CXCR3: variants seen among roughly 807,000 people sequenced by gnomAD.
CXCR3 encodes the protein C-X-C motif chemokine receptor 3, also known as C-X-C chemokine receptor type 3.
For synonymous variants in CXCR3, 136 were observed against 148.0 expected (o/e 0.92, Z 0.59); for missense variants, 239 against 310.2 (o/e 0.77, Z 1.72).
chrX:71,617,231 G>A lies in CXCR3; in HGVS notation c.241C>T (p.Arg81Trp), dbSNP rs1288288088. Residue 81 changes from arginine (R) to tryptophan (W), a missense_variant, in exon 2 of 2, where the codon CGG becomes TGG. Transcript: ENST00000373693. ...TCGGTGCTGCTCAGGGCTGTCCGCC[G>A]GCTCAGCAGCACGGCTGCCACCGCG... is the stretch of plus-strand genomic sequence containing the variant. ...NGAVAAVLLS[R>W]RTALSSTDTF... The A allele has an allele frequency of 2.5e-6, 3 of 1,200,068 alleles. No homozygotes were observed. Among genetic ancestry groups the A allele is most frequent in the East Asian group, 3.0e-5 (1 of 33,379 alleles).
chrX:71,616,140 G>T lies in CXCR3; in HGVS notation c.*225C>A. 1 of 412,597 alleles carries T rather than the reference G, an allele frequency of 2.4e-6. No homozygotes were observed. Among genetic ancestry groups the T allele is most frequent in the Non-Finnish European group, 4.0e-6 (1 of 250,738 alleles). The allele number at this position is 412,597 out of a possible 1,213,427, so 34.0% of individuals were successfully genotyped here. On this transcript the variant is annotated 3_prime_UTR_variant, in exon 2 of 2. Transcript: ENST00000373693. ...AAATGAGAAGGGCAGTGGGGCTCCA[G>T]GCAGCCACCTCGGGCGGCAGGATGG...
chrX:71,617,907 G>A (rs982701146), intron 1 of CXCR3, among the ~76,000 whole-genome samples: 1 of 104,622 alleles, frequency 9.6e-6, no homozygotes, highest in African/African-American at 3.5e-5. Context: ...GCCCTTGTCC[G>A]GGGACCCCAA....
Position 71,617,071 on chromosome X carries a change from T to C in CXCR3, c.401A>G (p.Asn134Ser), listed in dbSNP as rs1467341267. Residue 134 changes from asparagine (N) to serine (S), a missense_variant, in exon 2 of 2, where the codon AAC (asparagine) becomes AGC (serine). By Grantham distance (46) the Asn-to-Ser change is conservative (BLOSUM62 1). Coordinates refer to ENST00000373693, the MANE Select transcript of CXCR3 (RefSeq NM_001504.2). Reference protein sequence around the residue: ...CKVAGALFNINFYAGALLLAC... With the variant: ...CKVAGALFNISFYAGALLLAC... ...CAGCAGGAGGGCTCCTGCGTAGAAG[T>C]TGATGTTGAAGAGGGCACCTGCCAC... 2.5e-6 allele frequency: 3 copies of C among 1,198,039 alleles called. No homozygotes were observed. Among genetic ancestry groups the C allele is most frequent in the South Asian group, 1.8e-5 (1 of 55,396 alleles).
rs1389865775 is a variant in CXCR3, at chrX:71,617,316, G to A, written c.156C>T (p.Asp52=). ...TGTAGAGGGCTGGCAGGAAGGCCCG[G>A]TCGAAGTTCAGGCTGAAGTCCTGTG... ...PCPQDFSLNF[D]RAFLPALYSL... Residue 52 remains aspartate, a synonymous_variant, in exon 2 of 2, where the codon GAC becomes GAT. Transcript: ENST00000373693. 2 of 1,209,385 alleles carry A rather than the reference G, an allele frequency of 1.7e-6. No individual in the cohort carries two copies. Among genetic ancestry groups the A allele is most frequent in the Admixed American group, 4.4e-5 (2 of 45,711 alleles).
rs768947194 is a variant in CXCR3, at chrX:71,618,475, G to C, written c.-26C>G. On this transcript the variant is annotated 5_prime_UTR_variant, in exon 1 of 2. Transcript: ENST00000373693. ...GGCTGGGCTGGTGCTCTGGCTGCTG[G>C]GTGGTGTGCTGCCTGCCCCTCTGCT... 2.0e-5 allele frequency: 22 copies of C among 1,085,410 alleles called. No individual in the cohort carries two copies. The highest frequency in any genetic ancestry group is 2.6e-5 in the Non-Finnish European group (20 of 781,551). 89.4% of individuals were successfully genotyped at this position (1,085,410 alleles called of 1,213,427 possible).
At chrX:71,618,026 C>A (rs1308997528) in intron 1 of CXCR3, among the ~76,000 whole-genome samples, 1 of 103,093 alleles carries the variant, frequency 9.7e-6, no homozygotes. Context: ...CTTGCACGGC[C>A]ATTTAGCTGC....
chrX:71,618,001 C>G (rs2147741943), intron 1 of CXCR3, among the ~76,000 whole-genome samples: 1 of 100,435 alleles, frequency 1.0e-5, no homozygotes, highest in East Asian at 3.3e-4. Context: ...GTCCTTCCCC[C>G]TCCCTACACT....
Position 71,617,013 on chromosome X carries a change from T to A in CXCR3, c.459A>T (p.Ile153=). Residue 153 remains isoleucine, a synonymous_variant, in exon 2 of 2, where the codon ATA becomes ATT. Transcript: ENST00000373693. The stretch of plus-strand genomic sequence containing the variant: ...GGCGGTAGAGCTGGGTGGCATGAAC[T>A]ATGTTCAGGTAGCGGTCAAAGCTGA... ...ACISFDRYLN[I]VHATQLYRRG... is the part of the protein sequence containing the mutation. 1 of 1,208,673 alleles carries A rather than the reference T, an allele frequency of 8.3e-7. No individual in the cohort carries two copies. The highest frequency in any genetic ancestry group is 1.1e-6 in the Non-Finnish European group (1 of 893,933).
In CXCR3 at chrX:71,616,505, C is replaced by T; in HGVS notation, c.967G>A (p.Val323Ile). 1 of 1,211,151 alleles carries T rather than the reference C, an allele frequency of 8.3e-7. No individual in the cohort carries two copies. Among genetic ancestry groups the T allele is most frequent in the African/African-American group, 1.7e-5 (1 of 57,890 alleles). Residue 323 changes from valine (V) to isoleucine (I), a missense_variant, in exon 2 of 2, where the codon GTC becomes ATC. Physicochemically the swap from Val to Ile is conservative, Grantham distance 29. Coordinates refer to ENST00000373693, the MANE Select transcript of CXCR3 (RefSeq NM_001504.2). ...LNPLLYAFVGVKFRERMWMLL... is the reference protein window; with the variant it reads ...LNPLLYAFVGIKFRERMWMLL... ...ATCCACATCCGCTCCCGGAACTTGA[C>T]CCCTACAAAGGCATAGAGCAGCGGG...
chrX:71,616,576 G>A lies in CXCR3; in HGVS notation c.896C>T (p.Ala299Val). ...NCGRESRVDV[A>V]KSVTSGLGYM... ...GCCCAGGCCTGAGGTGACCGACTTG[G>A]CCACGTCTACCCTGCTTTCTCGGCC... is the stretch of plus-strand genomic sequence containing the variant. The change falls in exon 2 of 2, where the codon GCC becomes GTC. Residue 299 changes from alanine to valine, a missense_variant. Physicochemically the swap from Ala to Val is moderately conservative, Grantham distance 64 (BLOSUM62 0). Transcript: ENST00000373693. 2.5e-6 allele frequency: 3 copies of A among 1,211,748 alleles called. No homozygotes were observed. Among genetic ancestry groups the A allele is most frequent in the Non-Finnish European group, 3.4e-6 (3 of 895,481 alleles).
Position 71,616,987 on chromosome X carries a change from C to T in CXCR3, c.485G>A (p.Arg162Gln), listed in dbSNP as rs754390397. Reference protein sequence around the residue: ...NIVHATQLYRRGPPARVTLTC... With the variant: ...NIVHATQLYRQGPPARVTLTC... ...GAGGGTCACGCGGGCCGGGGGCCCC[C>T]GGCGGTAGAGCTGGGTGGCATGAAC... The change falls in exon 2 of 2, where the codon CGG becomes CAG. Residue 162 changes from arginine (R) to glutamine (Q), a missense_variant. Arg to Gln is a conservative substitution (Grantham distance 43, BLOSUM62 1). Transcript: ENST00000373693. 4.0e-5 allele frequency: 48 copies of T among 1,206,400 alleles called. No homozygotes were observed. Among genetic ancestry groups the T allele is most frequent in the Non-Finnish European group, 5.3e-5 (47 of 893,318 alleles).
rs1386800480 is a variant in CXCR3, at chrX:71,616,727, G to A, written c.745C>T (p.Arg249Trp). 1.7e-6 allele frequency: 2 copies of A among 1,206,974 alleles called. No homozygotes were observed. The highest frequency in any genetic ancestry group is 2.2e-6 in the Non-Finnish European group (2 of 892,970). The change falls in exon 2 of 2, where the codon CGG (arginine) becomes TGG (tryptophan). Residue 249 changes from arginine to tryptophan, a missense_variant. Transcript: ENST00000373693. ...LAVLLVSRGQ[R>W]RLRAMRLVVV... is the part of the protein sequence containing the mutation. ...ACCAGCCGCATGGCCCGCAGGCGCCGCTGGCCCCTGGAAACCAGCAGCACG... is the reference window on the plus strand; with the variant it reads ...ACCAGCCGCATGGCCCGCAGGCGCCACTGGCCCCTGGAAACCAGCAGCACG...
Position 71,617,420 on chromosome X carries a change from C to T in CXCR3, c.52G>A (p.Ala18Thr), listed in dbSNP as rs1471620920. The T allele has an allele frequency of 2.8e-5, 34 of 1,209,607 alleles. No individual in the cohort carries two copies. Among genetic ancestry groups the T allele is most frequent in the Non-Finnish European group, 3.6e-5 (32 of 895,069 alleles). The change falls in exon 2 of 2, where the codon GCC (alanine) becomes ACC (threonine). Residue 18 changes from alanine to threonine, a missense_variant. By Grantham distance (58) the Ala-to-Thr change is moderately conservative. Coordinates refer to ENST00000373693, the MANE Select transcript of CXCR3 (RefSeq NM_001504.2). Reference protein sequence around the residue: ...HQVLNDAEVAALLENFSSSYD... With the variant: ...HQVLNDAEVATLLENFSSSYD... ...GAAGAGCTGAAGTTCTCCAGGAGGG[C>T]GGCAACCTCGGCGTCATTTAGCACT...
In CXCR3 at chrX:71,616,479, C is replaced by T. The variant is rs768206166; in HGVS notation, c.993G>A (p.Met331Ile). ...VGVKFRERMW[M>I]LLLRLGCPNQ... The stretch of plus-strand genomic sequence containing the variant: ...TGGGGCAGCCCAGGCGCAAGAGCAG[C>T]ATCCACATCCGCTCCCGGAACTTGA... The change falls in exon 2 of 2, where the codon ATG becomes ATA. Residue 331 changes from methionine to isoleucine, a missense_variant. Transcript: ENST00000373693. The T allele has an allele frequency of 1.7e-6, 2 of 1,211,698 alleles. No homozygotes were observed. Among genetic ancestry groups the T allele is most frequent in the Admixed American group, 4.3e-5 (2 of 46,091 alleles).
Position 71,617,251 on chromosome X carries a change from A to G in CXCR3, c.221T>C (p.Val74Ala), listed in dbSNP as rs2040858323. ...CCGCCGGCTCAGCAGCACGGCTGCC[A>G]CCGCGCCGTTGCCCAGCAGCCCCAG... The part of the protein sequence containing the change: ...FLLGLLGNGA[V>A]AAVLLSRRTA... The change falls in exon 2 of 2, where the codon GTG becomes GCG. Residue 74 changes from valine (V) to alanine (A), a missense_variant. Transcript: ENST00000373693. 1 of 1,196,357 alleles carries G rather than the reference A, an allele frequency of 8.4e-7. No individual in the cohort carries two copies. Among genetic ancestry groups the G allele is most frequent in the Non-Finnish European group, 1.1e-6 (1 of 888,118 alleles).
chrX:71,616,841 C>A lies in CXCR3; in HGVS notation c.631G>T (p.Gly211Cys), dbSNP rs777121929. ...THCQYNFPQV[G>C]RTALRVLQLV... Reference sequence around the variant, plus strand: ...TGCAGCACCCGCAGAGCCGTGCGGCCCACCTGTGGGAAGTTGTATTGGCAG... The same window carrying A: ...TGCAGCACCCGCAGAGCCGTGCGGCACACCTGTGGGAAGTTGTATTGGCAG... The change falls in exon 2 of 2, where the codon GGC becomes TGC. Residue 211 changes from glycine to cysteine, a missense_variant. Physicochemically the swap from Gly to Cys is radical, Grantham distance 159. Coordinates refer to ENST00000373693, the MANE Select transcript of CXCR3 (RefSeq NM_001504.2). The A allele has an allele frequency of 8.3e-7, 1 of 1,210,555 alleles. No individual in the cohort carries two copies. The highest frequency in any genetic ancestry group is 1.1e-6 in the Non-Finnish European group (1 of 895,109).
rs955121661 is a variant in CXCR3, at chrX:71,616,266, G to T, written c.*99C>A. 6 of 1,061,451 alleles carry T rather than the reference G, an allele frequency of 5.7e-6. No individual in the cohort carries two copies. The African/African-American group carries it at 1.1e-4, about 20-fold the overall frequency. 87.5% of individuals were successfully genotyped at this position (1,061,451 alleles called of 1,213,427 possible). A position where few individuals can be genotyped will look rare whatever the true frequency, so the allele number is the denominator to read the frequency against. ...CTGGGGCTGCCAGTGAGTCCCGGGA[G>T]CGAGGATATTGGGGAGAGCCAGAGC... On this transcript the variant is annotated 3_prime_UTR_variant, in exon 2 of 2. Coordinates refer to ENST00000373693, the MANE Select transcript of CXCR3 (RefSeq NM_001504.2).
At chrX:71,617,657 C>T in intron 1 of CXCR3, 198 bp from the exon 2 acceptor site, 1 of 1,105,308 alleles carries the variant, frequency 9.0e-7, no homozygotes, top group Admixed American at 3.6e-5. Context: ...TTCTCAAAGG[C>T]TGCTTCTCTC....
chrX:71,616,374 C>T lies in CXCR3; in HGVS notation c.1098G>A (p.Ser366=), dbSNP rs750263009. The part of the protein sequence containing the change: ...SWSETSEASY[S]GL ...AGCCCGGATTCCGGCCTCACAAGCC[C>T]GAGTAGGAGGCCTCTGAGGTCTCAG... Residue 366 remains serine, a synonymous_variant, in exon 2 of 2, where the codon TCG becomes TCA. Coordinates refer to ENST00000373693, the MANE Select transcript of CXCR3 (RefSeq NM_001504.2). 8 of 1,186,183 alleles carry T rather than the reference C, an allele frequency of 6.7e-6. No homozygotes were observed. In the South Asian group the frequency reaches 9.3e-5, roughly 14 times the overall value.
Sources: allele counts gnomAD v4.1 joint callset (sites outside exome capture counted in the v4.1 genomes callset), GRCh38; gene constraint gnomAD v4.1.1; transcripts MANE v1.5; gene names NCBI Gene and HGNC (gene_info 2026-07-23, HGNC 2026-07-21).